The following KSR2 variants were observed in gnomAD, a reference collection of about 807,000 sequenced individuals.
KSR2 encodes the protein kinase suppressor of ras 2.
KSR2 carries 25 observed loss-of-function variants against 107.8 expected under a neutral mutation model. That is an observed-to-expected ratio of 0.23 (90% CI 0.17 to 0.32). The LOEUF is 0.32. Among genes scored for constraint, KSR2 ranks in the 10% least tolerant of loss-of-function variants. The pLI, the probability that KSR2 is intolerant of heterozygous loss-of-function variation, is 1.00. For synonymous variants in KSR2, 480 were observed against 507.0 expected (o/e 0.95, Z 0.71); for missense variants, 887 against 1,268.9 (o/e 0.70, Z 4.57).
intron 7 of KSR2, among the ~76,000 whole-genome samples, chr12:117,570,148 G>A (rs1294353694): frequency 2.6e-5 from 4 of 152,088 alleles, no homozygotes; most frequent in Non-Finnish European, 4.4e-5. Context: ...GACTACAGGC[G>A]CCTGCCACCG....
chr12:117,532,296 C>T (rs1182296184), intron 10 of KSR2, among the ~76,000 whole-genome samples: 1 of 152,158 alleles, frequency 6.6e-6, no homozygotes. Flanking sequence ...AAAATCTATT[C>T]CTTGTCTTTT....
Position 117,464,439 on chromosome 12 carries a change from G to A in KSR2, c.*2760C>T, listed in dbSNP as rs941389798. On this transcript the variant is annotated 3_prime_UTR_variant, in exon 20 of 20. Coordinates refer to ENST00000339824, the MANE Select transcript of KSR2 (RefSeq NM_173598.6). ...GTGTCATTGTATAGAATGAGTTGCA[G>A]GTGAGGCTGGTAATTATGATGTAAA... is the stretch of plus-strand genomic sequence containing the variant. The A allele has an allele frequency of 3.3e-5, 5 of 152,230 alleles. No homozygotes were observed. Among genetic ancestry groups the A allele is most frequent in the African/African-American group, 1.2e-4 (5 of 41,458 alleles). The allele number at this position is 152,230 out of a possible 1,614,324, so 9.4% of individuals were successfully genotyped here. A position where few individuals can be genotyped will look rare whatever the true frequency, so the allele number is the denominator to read the frequency against.
At chr12:117,768,440 C>G (rs1889322979) in intron 3 of KSR2, among the ~76,000 whole-genome samples, 1 of 152,184 alleles carries the variant, frequency 6.6e-6, no homozygotes, top group African/African-American at 2.4e-5. Context: ...GACTATATAC[C>G]TGCCACTCCT....
At chr12:117,938,079 G>A (rs1378537261) in intron 1 of KSR2, among the ~76,000 whole-genome samples, 1 of 151,204 alleles carries the variant, frequency 6.6e-6, no homozygotes, top group East Asian at 1.9e-4. Flanking sequence ...TGGCATTTGT[G>A]CATACTGTTC....
chr12:117,472,384 G>A (rs1174814374), intron 17 of KSR2, among the ~76,000 whole-genome samples: 1 of 152,180 alleles, frequency 6.6e-6, no homozygotes, highest in Admixed American at 6.5e-5. Flanking sequence ...ATAGCAGTGA[G>A]GACCACAGTG....
intron 5 of KSR2, among the ~76,000 whole-genome samples, chr12:117,610,310 G>A (rs894731693): frequency 6.6e-6 from 1 of 152,136 alleles, no homozygotes; most frequent in East Asian, 1.9e-4. Flanking sequence ...AAGCTCTGTA[G>A]CTGGGCAGAT....
chr12:117,741,392 G>A (rs1454348065), intron 4 of KSR2, among the ~76,000 whole-genome samples: 1 of 152,046 alleles, frequency 6.6e-6, no homozygotes, highest in Non-Finnish European at 1.5e-5. Flanking sequence ...GCACAGTGGT[G>A]CACACCTGTC....
chr12:117,894,298 G>A (rs1280153141), intron 1 of KSR2, among the ~76,000 whole-genome samples: 1 of 152,170 alleles, frequency 6.6e-6, no homozygotes, highest in Non-Finnish European at 1.5e-5. Context: ...GTCACAGGCT[G>A]TGTCTTTGTA....
At chr12:117,583,153 G>A (rs1044897129) in intron 5 of KSR2, among the ~76,000 whole-genome samples, 7 of 151,858 alleles carry the variant, frequency 4.6e-5, no homozygotes, top group African/African-American at 1.7e-4. Context: ...GGATAGGCGG[G>A]TGGGTGAGTA....
chr12:117,942,570 C>T (rs1483269109), intron 1 of KSR2, among the ~76,000 whole-genome samples: 1 of 150,656 alleles, frequency 6.6e-6, no homozygotes, highest in African/African-American at 2.4e-5. Flanking sequence ...CTCACTGCTG[C>T]CTCAACCTCC....
At chr12:117,810,371 C>A (rs896773803) in intron 3 of KSR2, among the ~76,000 whole-genome samples, 2 of 152,162 alleles carry the variant, frequency 1.3e-5, no homozygotes, top group Admixed American at 6.5e-5. Context: ...AGTGCAGTGG[C>A]ACCAACATAG....
intron 1 of KSR2, among the ~76,000 whole-genome samples, chr12:117,921,696 C>T (rs1487646873): frequency 1.3e-5 from 2 of 152,144 alleles, no homozygotes; most frequent in Non-Finnish European, 2.9e-5. Flanking sequence ...GAACTAAATG[C>T]AATCAATGTA....
At chr12:117,936,026 T>C (rs1895826232) in intron 1 of KSR2, among the ~76,000 whole-genome samples, 1 of 152,052 alleles carries the variant, frequency 6.6e-6, no homozygotes, top group African/African-American at 2.4e-5. Context: ...GATAGCTTCC[T>C]TATTCCATTT....
chr12:117,615,165 T>C (rs1465299817), intron 5 of KSR2, among the ~76,000 whole-genome samples: 1 of 151,538 alleles, frequency 6.6e-6, no homozygotes, highest in Non-Finnish European at 1.5e-5. Flanking sequence ...CTTCTCCTGG[T>C]AAGACACACT....
At chr12:117,638,092 G>A (rs908873304) in intron 5 of KSR2, among the ~76,000 whole-genome samples, 23 of 152,036 alleles carry the variant, frequency 1.5e-4, no homozygotes, top group Non-Finnish European at 3.1e-4. Flanking sequence ...ATAAAAAGAG[G>A]CTGCCAATGA....
At chr12:117,539,668 C>A in intron 10 of KSR2, 51 bp downstream of exon 10, 9 of 1,431,194 alleles carry the variant, frequency 6.3e-6, no homozygotes, top group Non-Finnish European at 8.5e-6. Context: ...CCTCCCTAAT[C>A]TCTGCCCCTC....
chr12:117,885,956 C>A (rs956396187), intron 1 of KSR2, among the ~76,000 whole-genome samples: 1 of 151,912 alleles, frequency 6.6e-6, no homozygotes, highest in African/African-American at 2.4e-5. Flanking sequence ...AATTAGCCAA[C>A]GGGGTGGCGG....
chr12:117,511,370 G>A (rs1874015281), intron 14 of KSR2, among the ~76,000 whole-genome samples: 2 of 152,212 alleles, frequency 1.3e-5, no homozygotes, highest in Admixed American at 6.5e-5. Context: ...CTACGGCAAT[G>A]ACCTATGAAA....
chr12:117,893,325 T>C (rs952928955), intron 1 of KSR2, among the ~76,000 whole-genome samples: 5 of 152,176 alleles, frequency 3.3e-5, no homozygotes, highest in Non-Finnish European at 1.5e-5. Context: ...CGAGACCATA[T>C]ATAGACTAAA....
Sources: allele counts gnomAD v4.1 joint callset (sites outside exome capture counted in the v4.1 genomes callset), GRCh38; gene constraint gnomAD v4.1.1; transcripts MANE v1.5; gene names NCBI Gene and HGNC (gene_info 2026-07-23, HGNC 2026-07-21).